Variants in CTNNA2 observed in about 807,000 individuals in gnomAD.
CTNNA2 encodes the protein catenin alpha 2.
CTNNA2 carries 42 observed loss-of-function variants against 101.0 expected under a neutral mutation model. That is an observed-to-expected ratio of 0.42 (90% CI 0.32 to 0.54). CTNNA2 has a LOEUF of 0.54. Ranked by LOEUF, CTNNA2 falls within the 20% of genes least tolerant of loss-of-function variation. The probability of loss-of-function intolerance (pLI) is 0.14; values close to 1 mark genes in which losing one functional copy is unlikely to be tolerated. For synonymous variants in CTNNA2, 450 were observed against 456.4 expected (o/e 0.99, Z 0.18); for missense variants, 871 against 1,223.1 (o/e 0.71, Z 4.29).
rs574323021 is a variant in CTNNA2 at position 80,238,910 on chromosome 2, A to C, written c.1057-154301A>C. ...TGGCAGAATGGGGAACAACATGCTGATCTGTCGGCTGGGAGGCTTAATATA... is the reference window on the plus strand; with the variant it reads ...TGGCAGAATGGGGAACAACATGCTGCTCTGTCGGCTGGGAGGCTTAATATA... On this transcript the variant is annotated intron_variant, in intron 7 of 18. Transcript: ENST00000402739. Among the ~76,000 whole-genome samples the C allele has an allele frequency of 1.2e-3, 187 of 152,320 alleles. 2 individuals carry two copies. Among genetic ancestry groups the C allele is most frequent in the Non-Finnish European group, 2.0e-3 (139 of 68,034 alleles).
intron 1 of CTNNA2, among the ~76,000 whole-genome samples, chr2:79,563,634 G>A (rs1401614044): frequency 6.6e-6 from 1 of 152,048 alleles, no homozygotes; most frequent in Non-Finnish European, 1.5e-5. Context: ...AAAATTTTAT[G>A]CTAATTATGC....
chr2:80,007,369 A>G (rs1183769219), intron 7 of CTNNA2, among the ~76,000 whole-genome samples: 1 of 152,204 alleles, frequency 6.6e-6, no homozygotes, highest in Non-Finnish European at 1.5e-5. Flanking sequence ...AAGATATTAT[A>G]AATATCTACA....
intron 7 of CTNNA2, among the ~76,000 whole-genome samples, chr2:80,132,034 T>G (rs1702444348): frequency 6.6e-6 from 1 of 152,146 alleles, no homozygotes; most frequent in South Asian, 2.1e-4. Context: ...TGAGCCGAGA[T>G]CTTGCCATCG....
At chr2:80,406,367 G>A (rs1193545386) in intron 8 of CTNNA2, among the ~76,000 whole-genome samples, 2 of 151,616 alleles carry the variant, frequency 1.3e-5, no homozygotes, top group Non-Finnish European at 2.9e-5. Context: ...TTTGAGCAAG[G>A]CTGGGAAACC....
chr2:80,072,378 TG>T (rs1313595124), intron 7 of CTNNA2, among the ~76,000 whole-genome samples: 2 of 152,086 alleles, frequency 1.3e-5, no homozygotes, highest in Non-Finnish European at 2.9e-5. Context: ...GCCAGTTTCT[TG>T]GTGCTCAACT....
chr2:79,681,983 T>C (rs550897956), intron 2 of CTNNA2, among the ~76,000 whole-genome samples: 2 of 152,342 alleles, frequency 1.3e-5, no homozygotes, highest in African/African-American at 2.4e-5. Flanking sequence ...TTCAGATTAA[T>C]AAATTCAAAT....
At chr2:79,243,841 C>G in intron 2 of CTNNA2, among the ~76,000 whole-genome samples, 1 of 152,144 alleles carries the variant, frequency 6.6e-6, no homozygotes, top group South Asian at 2.1e-4. Flanking sequence ...AGAAAGGAGG[C>G]AGGAGAGAAC....
chr2:79,522,212 C>G (rs1164666719), intron 1 of CTNNA2, among the ~76,000 whole-genome samples: 1 of 152,214 alleles, frequency 6.6e-6, no homozygotes, highest in African/African-American at 2.4e-5. Flanking sequence ...TTGCTGGGCC[C>G]ACAGTAATTC....
chr2:80,387,395 G>A (rs933807003), intron 7 of CTNNA2, among the ~76,000 whole-genome samples: 8 of 152,116 alleles, frequency 5.3e-5, no homozygotes, highest in African/African-American at 1.9e-4. Context: ...TATTCAGCAT[G>A]TTTATATAAA....
chr2:79,735,857 G>A (rs1670835318), intron 2 of CTNNA2, among the ~76,000 whole-genome samples: 1 of 152,128 alleles, frequency 6.6e-6, no homozygotes, highest in Non-Finnish European at 1.5e-5. Flanking sequence ...AAATTTCAAA[G>A]ACAAAGAGAC....
At chr2:79,846,635 G>A (rs1320620035) in intron 3 of CTNNA2, among the ~76,000 whole-genome samples, 1 of 152,196 alleles carries the variant, frequency 6.6e-6, no homozygotes, top group East Asian at 1.9e-4. Flanking sequence ...TTCCTCCAAA[G>A]TATATGGAAC....
At chr2:79,923,185 A>AT in intron 7 of CTNNA2, among the ~76,000 whole-genome samples, 1 of 152,152 alleles carries the variant, frequency 6.6e-6, no homozygotes, top group African/African-American at 2.4e-5. Context: ...AAAATCGTAT[A>AT]TTTTTCAAGA....
intron 9 of CTNNA2, among the ~76,000 whole-genome samples, chr2:80,433,604 C>T (rs1181181607): frequency 6.6e-6 from 1 of 152,014 alleles, no homozygotes; most frequent in East Asian, 2.0e-4. Context: ...AGCAGGGAAC[C>T]TGGTTGCCTC....
At chr2:79,811,468 G>C (rs997748741) in intron 3 of CTNNA2, among the ~76,000 whole-genome samples, 1 of 152,110 alleles carries the variant, frequency 6.6e-6, no homozygotes, top group African/African-American at 2.4e-5. Flanking sequence ...CTCCCATTCT[G>C]TAGGTTGCCT....
At chr2:79,683,360 A>C (rs936801875) in intron 2 of CTNNA2, among the ~76,000 whole-genome samples, 2 of 152,232 alleles carry the variant, frequency 1.3e-5, no homozygotes, top group Non-Finnish European at 2.9e-5. Context: ...ATACAGAAAT[A>C]ATAACAATAC....
At chr2:80,339,626 C>T (rs551113366) in intron 7 of CTNNA2, among the ~76,000 whole-genome samples, 4 of 152,182 alleles carry the variant, frequency 2.6e-5, no homozygotes, top group African/African-American at 9.6e-5. Flanking sequence ...CTAGTCATCC[C>T]CTACTGATTA....
Position 79,333,930 on chromosome 2 carries a change from T to A in CTNNA2, c.-318+21134T>A, listed in dbSNP as rs184416430. Among the ~76,000 whole-genome samples, 330 of 152,242 alleles carry A rather than the reference T, an allele frequency of 2.2e-3. 1 individual carries two copies. The highest frequency in any genetic ancestry group is 3.6e-3 in the Non-Finnish European group (247 of 67,978). ...GTTGGTCATTCGTATGGTGTGGTTT[T>A]GTTGCTTTTGTTATTATTTTTAATT... On this transcript the variant is annotated intron_variant, in intron 3 of 21. Coordinates refer to the CTNNA2 transcript ENST00000466387.
chr2:80,086,267 G>T (rs1051632953), intron 7 of CTNNA2, among the ~76,000 whole-genome samples: 1 of 152,050 alleles, frequency 6.6e-6, no homozygotes, highest in East Asian at 1.9e-4. Flanking sequence ...ACACACTCAT[G>T]TTTAAGGGCA....
intron 12 of CTNNA2, among the ~76,000 whole-genome samples, chr2:80,559,390 G>C (rs985789536): frequency 6.6e-6 from 1 of 152,180 alleles, no homozygotes; most frequent in African/African-American, 2.4e-5. Context: ...GGTCACTGTA[G>C]GGAGACTCCC....
Sources: gnomAD v4.1 joint callset for allele counts (sites outside exome capture counted in the v4.1 genomes callset) on GRCh38, gnomAD v4.1.1 for gene constraint, MANE v1.5 for transcripts, NCBI Gene and HGNC (gene_info 2026-07-23, HGNC 2026-07-21) for gene names.